The following POT1 variants were observed in gnomAD, a reference collection of about 807,000 sequenced individuals.
The protein encoded by POT1 is protection of telomeres protein 1.
A neutral mutation model predicts 78.5 loss-of-function variants in POT1; 47 were observed. That is an observed-to-expected ratio of 0.60 (90% confidence interval 0.47 to 0.76). POT1 has a LOEUF of 0.76. Among genes scored for constraint, POT1 ranks in the 30% least tolerant of loss-of-function variants. POT1 has a pLI of 0.00. For missense variants in POT1, 646 were observed against 749.9 expected (o/e 0.86, Z 1.62); for synonymous variants, 259 against 260.7 (o/e 0.99, Z 0.06).
At chr7:124,841,842 A>G (rs1355033482) in intron 13 of POT1, among the ~76,000 whole-genome samples, 1 of 152,016 alleles carries the variant, frequency 6.6e-6, no homozygotes, top group Non-Finnish European at 1.5e-5. Context: ...TACAAAATTC[A>G]ATAAACCAAA....
intron 6 of POT1, among the ~76,000 whole-genome samples, chr7:124,886,341 G>T (rs910026257): frequency 8.6e-5 from 13 of 152,040 alleles, no homozygotes; most frequent in Non-Finnish European, 1.8e-4. Context: ...AAAAAGTACT[G>T]CTTTAGGTAA....
At chr7:124,849,504 GAGTAA>G (rs1278230217) in intron 11 of POT1, among the ~76,000 whole-genome samples, 1 of 152,088 alleles carries the variant, frequency 6.6e-6, no homozygotes, top group South Asian at 2.1e-4. Flanking sequence ...GTGAAGGTGT[GAGTAA>G]AGTATATTCT....
intron 6 of POT1, among the ~76,000 whole-genome samples, chr7:124,882,847 G>GGAAGCCT (rs1369964200): frequency 6.6e-6 from 1 of 151,972 alleles, no homozygotes; most frequent in Non-Finnish European, 1.5e-5. Flanking sequence ...GAAGTCAGAT[G>GGAAGCCT]GAAGCCTGAA....
At chr7:124,866,569 A>G (rs73223552) in intron 7 of POT1, among the ~76,000 whole-genome samples, 2,190 of 152,302 alleles carry the variant, frequency 0.014, 24 homozygotes, top group Non-Finnish European at 0.022. Flanking sequence ...CCCCTTCTGT[A>G]TAACTCCTTC....
rs66826272 is a variant in POT1 at position 124,835,242 on chromosome 7, TAAACA to T, written c.1505+32_1505+36del. On this transcript the variant is annotated intron_variant, in intron 15 of 18. Coordinates refer to ENST00000357628, the MANE Select transcript of POT1 (RefSeq NM_015450.3). ...ATGACCCCAGAACTTAAAAGTATAA[TAAACA>T]AAACAAAACAAAACAAAACAAAACA... is the stretch of plus-strand genomic sequence containing the variant. 0.39 allele frequency: 610,690 copies of T among 1,575,330 alleles called. 118,881 individuals are homozygous for T. Among genetic ancestry groups the T allele is most frequent in the East Asian group, 0.48 (21,182 of 44,308 alleles).
At chr7:124,913,917 C>T (rs575719166) in intron 3 of POT1, among the ~76,000 whole-genome samples, 66 of 151,942 alleles carry the variant, frequency 4.3e-4, no homozygotes, top group Non-Finnish European at 8.8e-4. Context: ...GGGTGGATCA[C>T]GAGGTCAGGA....
intron 3 of POT1, among the ~76,000 whole-genome samples, chr7:124,905,828 G>A (rs1796752705): frequency 6.6e-6 from 1 of 152,100 alleles, no homozygotes; most frequent in South Asian, 2.1e-4. Flanking sequence ...GTGGGCGAAG[G>A]ATATGAACTG....
At chr7:124,902,172 A>G (rs549977837) in intron 3 of POT1, among the ~76,000 whole-genome samples, 1 of 152,288 alleles carries the variant, frequency 6.6e-6, no homozygotes, top group East Asian at 1.9e-4. Context: ...GGAAATACAG[A>G]GAACGCCACA....
chr7:124,888,268 A>G (rs1437661108), intron 6 of POT1, among the ~76,000 whole-genome samples: 1 of 152,076 alleles, frequency 6.6e-6, no homozygotes, highest in African/African-American at 2.4e-5. Context: ...AAATCAGTTG[A>G]CCATAATAAA....
rs1296117821 is a variant in POT1 at position 124,897,216 on chromosome 7, A to C, written c.-39-4T>G. 1.5e-6 allele frequency: 2 copies of C among 1,359,248 alleles called. No individual in the cohort carries two copies. The highest frequency in any genetic ancestry group is 2.6e-5 in the South Asian group (2 of 76,904). The allele number at this position is 1,359,248 out of a possible 1,614,324, so 84.2% of individuals were successfully genotyped here. On this transcript the variant is annotated splice_polypyrimidine_tract_variant and splice_region_variant and intron_variant, in intron 4 of 18. Coordinates refer to ENST00000357628, the MANE Select transcript of POT1 (RefSeq NM_015450.3). Reference sequence around the variant, plus strand: ...CTCTTAAAGATTTGACATAAACCTGAAGGAAAAAAAGAAAGAACTTATTTG... The same window carrying C: ...CTCTTAAAGATTTGACATAAACCTGCAGGAAAAAAAGAAAGAACTTATTTG...
chr7:124,905,791 A>C (rs1016813345), intron 3 of POT1, among the ~76,000 whole-genome samples: 3 of 152,166 alleles, frequency 2.0e-5, no homozygotes, highest in African/African-American at 7.2e-5. Context: ...AATTTACAAG[A>C]AAAAAATCAA....
intron 6 of POT1, among the ~76,000 whole-genome samples, chr7:124,883,046 G>A (rs1232081809): frequency 1.3e-5 from 2 of 151,942 alleles, no homozygotes; most frequent in Non-Finnish European, 2.9e-5. Flanking sequence ...TCTTTAAAGA[G>A]GTAAGTGATA....
chr7:124,887,145 A>T (rs922734932), intron 6 of POT1, among the ~76,000 whole-genome samples: 1 of 152,116 alleles, frequency 6.6e-6, no homozygotes, highest in Non-Finnish European at 1.5e-5. Context: ...GAAACTACTA[A>T]GGGAAAAGTA....
At position 124,825,337 on chromosome 7, in the gene POT1, T is replaced by G. The variant is rs1218962425; in HGVS notation, c.1707A>C (p.Pro569=). 2 of 1,606,200 alleles carry G rather than the reference T, an allele frequency of 1.2e-6. No homozygotes were observed. The highest frequency in any genetic ancestry group is 4.5e-5 in the East Asian group (2 of 44,592). The change falls in exon 18 of 19, where the codon CCA becomes CCC. Residue 569 remains proline (P), a synonymous_variant. Coordinates refer to ENST00000357628, the MANE Select transcript of POT1 (RefSeq NM_015450.3). ...CATCATCCATCAGAACTTCTGATGC[T>G]GGAATCTGGAAGAATTTGTCCTTAA... is the stretch of plus-strand genomic sequence containing the variant. ...LMDSDKFFQI[P]ASEVLMDDDL... is the part of the protein sequence containing the mutation.
At chr7:124,833,500 C>A (rs1794819330) in intron 15 of POT1, among the ~76,000 whole-genome samples, 2 of 152,170 alleles carry the variant, frequency 1.3e-5, no homozygotes, top group South Asian at 2.1e-4. Context: ...TTTCATCAAG[C>A]AGTAGAGGAG....
intron 3 of POT1, chr7:124,900,729 G>A (rs778291579): frequency 7.8e-5 from 19 of 242,472 alleles, no homozygotes; most frequent in Admixed American, 1.8e-4. Context: ...GCAAGGGGTC[G>A]GGGAATTCCC....
At position 124,863,626 on chromosome 7, in the gene POT1, T is replaced by C. The variant is rs1795653104; in HGVS notation, c.270A>G (p.Lys90=). Residue 90 remains lysine, a synonymous_variant, in exon 8 of 19, where the codon AAA becomes AAG. Transcript: ENST00000357628. ...AGCTGGTGATACCCTGAGTCTCCTT[T>C]TTATATACTTGAATCTAAGAAAGTA... ...RFHRLKIQVY[K]KETQGITSSG... 6.2e-7 allele frequency: 1 copy of C among 1,609,900 alleles called. No homozygotes were observed. Among genetic ancestry groups the C allele is most frequent in the Non-Finnish European group, 8.5e-7 (1 of 1,178,588 alleles).
chr7:124,865,700 T>TTAA (rs1389718684), intron 7 of POT1, among the ~76,000 whole-genome samples: 1 of 151,448 alleles, frequency 6.6e-6, no homozygotes, highest in Admixed American at 6.6e-5. Context: ...ATTTTATTTA[T>TTAA]TAATTATTAT....
chr7:124,861,817 C>T (rs779857884), intron 8 of POT1, among the ~76,000 whole-genome samples: 3 of 152,150 alleles, frequency 2.0e-5, no homozygotes, highest in African/African-American at 4.8e-5. Flanking sequence ...CAGTTTACTG[C>T]ATATGGCTAG....
Sources: allele counts gnomAD v4.1 joint callset (sites outside exome capture counted in the v4.1 genomes callset), GRCh38; gene constraint gnomAD v4.1.1; transcripts MANE v1.5; gene names NCBI Gene and HGNC (gene_info 2026-07-23, HGNC 2026-07-21).